SCFD1: variants seen among roughly 807,000 people sequenced by gnomAD.
The protein encoded by SCFD1 is sec1 family domain containing 1.
Under a neutral mutation model 103.2 loss-of-function variants are expected in SCFD1, and 37 were observed. The ratio of observed to expected loss-of-function variants is 0.36; its 90% CI spans 0.28 to 0.47. The LOEUF is 0.47. Among genes scored for constraint, SCFD1 ranks in the 20% least tolerant of loss-of-function variants. SCFD1 has a pLI of 1.00. For missense variants in SCFD1, 639 were observed against 761.2 expected (o/e 0.84, Z 1.89); for synonymous variants, 264 against 245.0 (o/e 1.08, Z -0.73).
intron 23 of SCFD1, among the ~76,000 whole-genome samples, chr14:30,725,906 C>T (rs1447620139): frequency 6.6e-6 from 1 of 152,160 alleles, no homozygotes; most frequent in African/African-American, 2.4e-5. Flanking sequence ...CAAGCTAGTA[C>T]AAGTTGCCCC....
intron 4 of SCFD1, among the ~76,000 whole-genome samples, chr14:30,636,493 C>T (rs1036337253): frequency 1.2e-4 from 18 of 151,938 alleles, no homozygotes; most frequent in Non-Finnish European, 2.2e-4. Flanking sequence ...CTATTCTTTC[C>T]CTAGTGAATG....
At chr14:30,728,501 A>G (rs1893207828) in intron 23 of SCFD1, among the ~76,000 whole-genome samples, 1 of 152,198 alleles carries the variant, frequency 6.6e-6, no homozygotes, top group Admixed American at 6.5e-5. Flanking sequence ...TATTCTAGAC[A>G]AGACCTGTTG....
At chr14:30,721,982 ACTGT>A (rs1892681618) in intron 22 of SCFD1, 65 bp downstream of exon 22, 1 of 1,149,490 alleles carries the variant, frequency 8.7e-7, no homozygotes, top group Non-Finnish European at 1.3e-6. Flanking sequence ...AATCTTGAAG[ACTGT>A]CTGTACCAAA....
chr14:30,630,668 C>A, intron 3 of SCFD1, 103 bp downstream of exon 3: 1 of 691,418 alleles, frequency 1.4e-6, no homozygotes. Flanking sequence ...ACATTTTTTC[C>A]CTGTATCTTC....
Position 30,670,323 on chromosome 14 carries a change from G to T in SCFD1, c.923G>T (p.Arg308Ile). 6.3e-7 allele frequency: 1 copy of T among 1,596,846 alleles called. No individual in the cohort carries two copies. Among genetic ancestry groups the T allele is most frequent in the South Asian group, 1.1e-5 (1 of 87,664 alleles). Residue 308 changes from arginine (R) to isoleucine (I), a missense_variant, in exon 11 of 25, where the codon AGA becomes ATA. By Grantham distance (97) the Arg-to-Ile change is moderately conservative. Transcript: ENST00000458591. ...SGVENSPAGA[R>I]PKRKNKKSYD... Reference sequence around the variant, plus strand: ...GTGGAAAACTCTCCAGCTGGTGCTAGACCAAAGAGAAAAAACAAGAAGTCT... The same window carrying T: ...GTGGAAAACTCTCCAGCTGGTGCTATACCAAAGAGAAAAAACAAGAAGTCT...
intron 23 of SCFD1, 66 bp downstream of exon 23, chr14:30,722,625 C>A: frequency 1.1e-6 from 1 of 927,446 alleles, no homozygotes; most frequent in Non-Finnish European, 1.7e-6. Flanking sequence ...CTAGCATACT[C>A]TGATGGCTAT....
intron 15 of SCFD1, among the ~76,000 whole-genome samples, chr14:30,695,805 G>A (rs540417309): frequency 2.0e-5 from 3 of 152,166 alleles, no homozygotes; most frequent in South Asian, 2.1e-4. Flanking sequence ...CTAGGAGTAC[G>A]ATGTTGCAGT....
At chr14:30,655,565 G>C (rs929094169) in intron 10 of SCFD1, among the ~76,000 whole-genome samples, 3 of 152,198 alleles carry the variant, frequency 2.0e-5, no homozygotes, top group African/African-American at 7.2e-5. Flanking sequence ...GGAAGAGCAA[G>C]ATCGGTTAGG....
rs188857195 is a variant in SCFD1, at chr14:30,714,555, C to A, written c.1630-1369C>A. Among the ~76,000 whole-genome samples the A allele has an allele frequency of 5.6e-3, 857 of 152,194 alleles. 4 individuals are homozygous for A. Among genetic ancestry groups the A allele is most frequent in the African/African-American group, 0.02 (812 of 41,526 alleles). Reference sequence around the variant, plus strand: ...ACAATCTTAAAAGGTTTTCACTTTACCAGTCTAGGGAAGGCAGCAGTATCC... The same window carrying A: ...ACAATCTTAAAAGGTTTTCACTTTAACAGTCTAGGGAAGGCAGCAGTATCC... On this transcript the variant is annotated intron_variant, in intron 19 of 24. Coordinates refer to ENST00000458591, the MANE Select transcript of SCFD1 (RefSeq NM_016106.4).
chr14:30,701,291 T>A (rs950421358), intron 16 of SCFD1, among the ~76,000 whole-genome samples: 2 of 152,200 alleles, frequency 1.3e-5, no homozygotes, highest in Non-Finnish European at 2.9e-5. Context: ...GAAAGTGTGG[T>A]TTTCTTTTTG....
At chr14:30,734,515 C>T in intron 23 of SCFD1, 1 of 362,484 alleles carries the variant, frequency 2.8e-6, no homozygotes, top group South Asian at 3.4e-5. Flanking sequence ...TGAAATTTGA[C>T]AGTGAGATTC....
rs868346173 is a variant in SCFD1, at chr14:30,653,440, A to T, written c.756-49A>T. 4.4e-6 allele frequency: 5 copies of T among 1,133,842 alleles called. No individual in the cohort carries two copies. The East Asian group carries it at 1.2e-4, about 27-fold the overall frequency. The allele number at this position is 1,133,842 out of a possible 1,614,324, so 70.2% of individuals were successfully genotyped here. A position where few individuals can be genotyped will look rare whatever the true frequency, so the allele number is the denominator to read the frequency against. On this transcript the variant is annotated intron_variant, in intron 9 of 24. Coordinates refer to ENST00000458591, the MANE Select transcript of SCFD1 (RefSeq NM_016106.4). Reference sequence around the variant, plus strand: ...GAAAGTAGTAGAATATTTTAGATGTATACACTGGTATCAAGAGTTATGTAA... The same window carrying T: ...GAAAGTAGTAGAATATTTTAGATGTTTACACTGGTATCAAGAGTTATGTAA...
chr14:30,724,259 T>G (rs1453654775), intron 23 of SCFD1, among the ~76,000 whole-genome samples: 20 of 136,564 alleles, frequency 1.5e-4, no homozygotes, highest in African/African-American at 2.5e-4. Context: ...TTTTTTTTTT[T>G]TTTTTTTTTT....
chr14:30,678,645 T>C (rs1226607371), intron 14 of SCFD1, among the ~76,000 whole-genome samples: 1 of 152,110 alleles, frequency 6.6e-6, no homozygotes, highest in African/African-American at 2.4e-5. Context: ...AAGTACTCTT[T>C]AGCTCCAGAT....
chr14:30,633,963 C>T lies in SCFD1; in HGVS notation c.238C>T (p.Arg80Ter), dbSNP rs1370327210. Residue 80 changes from arginine to a stop codon, truncating the protein, a stop_gained, in exon 4 of 25, where the codon CGA (arginine) becomes TGA (stop). Transcript: ENST00000458591. LOFTEE classifies it high-confidence loss of function. Reference sequence around the variant, plus strand: ...GTCTTCTAGGCTTTTACACTCTGATCGAGATCCTATTCCAGATGTTCCTGC... The same window carrying T: ...GTCTTCTAGGCTTTTACACTCTGATTGAGATCCTATTCCAGATGTTCCTGC... The part of the protein sequence containing the change: ...ITLHLLLHSD[R>*]DPIPDVPAVY... 2 of 1,594,494 alleles carry T rather than the reference C, an allele frequency of 1.3e-6. No individual in the cohort carries two copies. Among genetic ancestry groups the T allele is most frequent in the Non-Finnish European group, 8.6e-7 (1 of 1,167,646 alleles).
At chr14:30,715,193 C>T (rs566389692) in intron 19 of SCFD1, 5 of 152,208 alleles carry the variant, frequency 3.3e-5, no homozygotes, top group African/African-American at 7.2e-5. Flanking sequence ...CGAACTCTTA[C>T]ATCATTTAAT....
chr14:30,678,963 C>T (rs987871351), intron 14 of SCFD1, among the ~76,000 whole-genome samples: 3 of 152,172 alleles, frequency 2.0e-5, no homozygotes, highest in Admixed American at 1.3e-4. Context: ...AGGCTTAACC[C>T]TTGTTGGCAA....
intron 9 of SCFD1, among the ~76,000 whole-genome samples, chr14:30,651,141 ATAG>A (rs1886361258): frequency 6.6e-6 from 1 of 152,162 alleles, no homozygotes; most frequent in Admixed American, 6.6e-5. Flanking sequence ...CCTATACATT[ATAG>A]TATATTTAAC....
intron 24 of SCFD1, 53 bp downstream of exon 24, chr14:30,734,911 G>T: frequency 1.4e-6 from 2 of 1,400,606 alleles, no homozygotes; most frequent in South Asian, 1.2e-5. Flanking sequence ...AGTTGCTATT[G>T]GTATTTTTCA....
Sources: allele counts gnomAD v4.1 joint callset (sites outside exome capture counted in the v4.1 genomes callset), GRCh38; gene constraint gnomAD v4.1.1; transcripts MANE v1.5; gene names NCBI Gene and HGNC (gene_info 2026-07-23, HGNC 2026-07-21).